The following NLN variants were observed in gnomAD, a reference collection of about 807,000 sequenced individuals.
NLN encodes the protein neurolysin, mitochondrial.
A neutral mutation model predicts 79.9 loss-of-function variants in NLN; 64 were observed. The observed-to-expected ratio is 0.80, with a 90% CI of 0.65 to 0.99. The LOEUF is 0.99. Among genes scored for constraint, NLN ranks in the 50% least tolerant of loss-of-function variants. The pLI, the probability that NLN is intolerant of heterozygous loss-of-function variation, is 0.00. For missense variants in NLN, 835 were observed against 858.7 expected (o/e 0.97, Z 0.34); for synonymous variants, 267 against 296.6 (o/e 0.90, Z 1.02).
At chr5:65,781,772 G>A (rs1185412112) in intron 6 of NLN, among the ~76,000 whole-genome samples, 5 of 152,172 alleles carry the variant, frequency 3.3e-5, no homozygotes, top group East Asian at 1.9e-4. Flanking sequence ...CAGTTCTACC[G>A]TGATCTGCCT....
chr5:65,767,914 A>G (rs1207133778), intron 3 of NLN, among the ~76,000 whole-genome samples: 1 of 152,204 alleles, frequency 6.6e-6, no homozygotes, highest in African/African-American at 2.4e-5. Context: ...TTGGTAAAGC[A>G]TAGCATGGGT....
intron 9 of NLN, among the ~76,000 whole-genome samples, chr5:65,799,833 A>G (rs1013651877): frequency 6.6e-6 from 1 of 152,234 alleles, no homozygotes; most frequent in African/African-American, 2.4e-5. Flanking sequence ...TATTATTTCC[A>G]GTGATCACTC....
chr5:65,823,057 A>G lies in NLN; in HGVS notation c.*142A>G. The G allele has an allele frequency of 1.6e-6, 1 of 617,952 alleles. No individual in the cohort carries two copies. The allele number at this position is 617,952 out of a possible 1,614,324, so 38.3% of individuals were successfully genotyped here. ...CTTTTGTTTTCTAATTTTAAAAATT[A>G]TAAAGATGTAAATGGAATTATAAAT... On this transcript the variant is annotated 3_prime_UTR_variant, in exon 13 of 13. Transcript: ENST00000380985.
In NLN at chr5:65,722,312, C is replaced by G. The variant is rs1758323782; in HGVS notation, c.-62C>G. On this transcript the variant is annotated 5_prime_UTR_variant, in exon 1 of 13. Coordinates refer to ENST00000380985, the MANE Select transcript of NLN (RefSeq NM_020726.5). ...CTCCCGGGCGCCCAGGCGCTGCCGC[C>G]CGCCTCGCCGCCCCACGCCGAAGGA... 1 of 1,420,200 alleles carries G rather than the reference C, an allele frequency of 7.0e-7. No homozygotes were observed. The highest frequency in any genetic ancestry group is 9.4e-7 in the Non-Finnish European group (1 of 1,061,540). 88.0% of individuals were successfully genotyped at this position (1,420,200 alleles called of 1,614,324 possible). A position where few individuals can be genotyped will look rare whatever the true frequency, so the allele number is the denominator to read the frequency against.
chr5:65,762,887 G>A (rs1363705335), intron 2 of NLN, 73 bp from the exon 3 acceptor site: 7 of 1,370,012 alleles, frequency 5.1e-6, no homozygotes, highest in African/African-American at 4.4e-5. Context: ...ATTCATCTGG[G>A]TATGAGGTAT....
chr5:65,777,618 A>G (rs1759707737), intron 4 of NLN, 84 bp downstream of exon 4: 2 of 895,298 alleles, frequency 2.2e-6, no homozygotes, highest in Non-Finnish European at 3.5e-6. Context: ...TAATCCAGAA[A>G]TCCAAAATGC....
intron 1 of NLN, among the ~76,000 whole-genome samples, chr5:65,734,627 A>G (rs1758687522): frequency 6.6e-6 from 1 of 152,050 alleles, no homozygotes; most frequent in South Asian, 2.1e-4. Context: ...GGAAGTCCTC[A>G]TATTTCCCAG....
intron 1 of NLN, among the ~76,000 whole-genome samples, chr5:65,729,369 CTTTTTTT>C (rs34963968): frequency 4.0e-5 from 4 of 101,066 alleles, no homozygotes; most frequent in Non-Finnish European, 7.6e-5. Flanking sequence ...GTTTTCTTTT[CTTTTTTT>C]TTTTTTTTTT....
At chr5:65,747,929 A>C (rs1442173673) in intron 1 of NLN, among the ~76,000 whole-genome samples, 1 of 152,194 alleles carries the variant, frequency 6.6e-6, no homozygotes, top group Non-Finnish European at 1.5e-5. Flanking sequence ...AGCCAGGCGC[A>C]GTGGCTCACA....
In NLN at chr5:65,825,331, A is replaced by G. The variant is rs1462085028; in HGVS notation, c.*2416A>G. ...ACAAATGTACACTTTAGATTTATGG[A>G]CTGAGCCACATATAATAAGGTCTCT... On this transcript the variant is annotated 3_prime_UTR_variant, in exon 13 of 13. Coordinates refer to ENST00000380985, the MANE Select transcript of NLN (RefSeq NM_020726.5). 1.3e-5 allele frequency: 2 copies of G among 152,070 alleles called. No individual in the cohort carries two copies. Among genetic ancestry groups the G allele is most frequent in the Non-Finnish European group, 2.9e-5 (2 of 68,032 alleles). The allele number at this position is 152,070 out of a possible 1,614,324, so 9.4% of individuals were successfully genotyped here. A position where few individuals can be genotyped will look rare whatever the true frequency, so the allele number is the denominator to read the frequency against.
At position 65,777,421 on chromosome 5, in the gene NLN, T is replaced by C; in HGVS notation, c.451-6T>C. 6.3e-7 allele frequency: 1 copy of C among 1,589,000 alleles called. No individual in the cohort carries two copies. Among genetic ancestry groups the C allele is most frequent in the Non-Finnish European group, 8.6e-7 (1 of 1,157,996 alleles). ...CCGAAATGGTTTTCATGCTCTTTAA[T>C]TTCAGGAAACCTGTGATCTGGGGAA... On this transcript the variant is annotated splice_polypyrimidine_tract_variant and splice_region_variant and intron_variant, in intron 3 of 12. Transcript: ENST00000380985.
chr5:65,809,667 T>C lies in NLN; in HGVS notation c.1680T>C (p.Leu560=). 8.7e-6 allele frequency: 14 copies of C among 1,610,940 alleles called. No homozygotes were observed. The highest frequency in any genetic ancestry group is 1.2e-5 in the Non-Finnish European group (14 of 1,179,214). ...GAAGCCCTATTGCAGACGATCTGCTTGAAAAACTTGTTGCTTCTAGGCTGG... is the reference window on the plus strand; with the variant it reads ...GAAGCCCTATTGCAGACGATCTGCTCGAAAAACTTGTTGCTTCTAGGCTGG... ...KDGSPIADDL[L]EKLVASRLVN... is the part of the protein sequence containing the mutation. The change falls in exon 10 of 13, where the codon CTT becomes CTC. Residue 560 remains leucine, a synonymous_variant. Coordinates refer to ENST00000380985, the MANE Select transcript of NLN (RefSeq NM_020726.5).
chr5:65,780,419 G>A (rs1402427239), intron 5 of NLN, 138 bp downstream of exon 5: 4 of 519,770 alleles, frequency 7.7e-6, no homozygotes, highest in Admixed American at 4.1e-5. Flanking sequence ...CAGTACCTAA[G>A]TCCACCACCC....
At chr5:65,722,524 C>G (rs878907570) in intron 1 of NLN, 110 bp downstream of exon 1, 1 of 985,002 alleles carries the variant, frequency 1.0e-6, no homozygotes, top group African/African-American at 1.7e-5. Flanking sequence ...TCCGACGCTC[C>G]CGGGACGCAC....
chr5:65,747,861 T>C (rs999375526), intron 1 of NLN, among the ~76,000 whole-genome samples: 1 of 152,158 alleles, frequency 6.6e-6, no homozygotes, highest in African/African-American at 2.4e-5. Flanking sequence ...CCTTACCTCA[T>C]CTGAGCTGAG....
chr5:65,808,887 C>T (rs1760480134), intron 9 of NLN, among the ~76,000 whole-genome samples: 1 of 152,208 alleles, frequency 6.6e-6, no homozygotes, highest in Non-Finnish European at 1.5e-5. Context: ...TGACTTTCTA[C>T]AACATGGTAA....
Position 65,792,547 on chromosome 5 carries a change from G to C in NLN, c.1419G>C (p.Val473=). The change falls in exon 9 of 13, where the codon GTG becomes GTC. Residue 473 remains valine (V), a synonymous_variant. Transcript: ENST00000380985. ...GSRMMAVAAL[V]VNFSQPVAGR... ...GGATGATGGCAGTGGCTGCCCTCGTGGTGAACTTCTCACAGCCAGTGGCAG... is the reference window on the plus strand; with the variant it reads ...GGATGATGGCAGTGGCTGCCCTCGTCGTGAACTTCTCACAGCCAGTGGCAG... 1 of 1,613,788 alleles carries C rather than the reference G, an allele frequency of 6.2e-7. No individual in the cohort carries two copies. Among genetic ancestry groups the C allele is most frequent in the South Asian group, 1.1e-5 (1 of 91,076 alleles).
At chr5:65,781,714 T>C (rs1485517063) in intron 6 of NLN, among the ~76,000 whole-genome samples, 2 of 152,282 alleles carry the variant, frequency 1.3e-5, no homozygotes, top group Non-Finnish European at 1.5e-5. Context: ...TGCTTTAATA[T>C]GAAAAAGAAA....
Position 65,781,796 on chromosome 5 carries a change from A to G in NLN, c.822+375A>G, listed in dbSNP as rs1457045755. ...CGTGATCTGCCTCTCTAGCTATCCA[A>G]GTAACCATGAGGACCCTTTTTTCCT... is the stretch of plus-strand genomic sequence containing the variant. On this transcript the variant is annotated intron_variant, in intron 6 of 12. Coordinates refer to ENST00000380985, the MANE Select transcript of NLN (RefSeq NM_020726.5). 2.0e-5 allele frequency among the ~76,000 whole-genome samples: 3 copies of G among 152,218 alleles called. No homozygotes were observed. In the South Asian group the frequency reaches 6.2e-4, roughly 31 times the overall value.
Sources: gnomAD v4.1 joint callset for allele counts (sites outside exome capture counted in the v4.1 genomes callset) on GRCh38, gnomAD v4.1.1 for gene constraint, MANE v1.5 for transcripts, NCBI Gene and HGNC (gene_info 2026-07-23, HGNC 2026-07-21) for gene names.